Variants in COL11A1 observed in about 807,000 individuals in gnomAD.
The protein encoded by COL11A1 is collagen type XI alpha 1 chain, also known as collagen alpha-1(XI) chain.
In COL11A1, 74 loss-of-function variants were observed where a neutral mutation model predicts 265.2. The observed-to-expected ratio is 0.28, with a 90% CI of 0.23 to 0.34. The LOEUF (loss-of-function observed/expected upper bound fraction) is 0.34, where lower values mean the gene tolerates loss of function less well. Ranked by LOEUF, COL11A1 falls within the 10% of genes least tolerant of loss-of-function variation. The pLI is 1.00. For synonymous variants in COL11A1, 816 were observed against 727.6 expected, an observed-to-expected ratio of 1.12 and a Z score of -1.96; for missense variants, 2,165 against 2,263.6, an observed-to-expected ratio of 0.96 and a Z score of 0.88.
intron 41 of COL11A1, among the ~76,000 whole-genome samples, chr1:102,957,029 G>T (rs1250295494): frequency 6.6e-6 from 1 of 151,684 alleles, no homozygotes; most frequent in African/African-American, 2.4e-5. Flanking sequence ...CCTGTATAAA[G>T]CAATATCCCA....
chr1:103,058,250 C>T (rs995000162), intron 4 of COL11A1, among the ~76,000 whole-genome samples: 5 of 152,098 alleles, frequency 3.3e-5, no homozygotes, highest in African/African-American at 9.7e-5. Flanking sequence ...CTGAAGCTTC[C>T]TCACTTCTCT....
At chr1:102,975,388 G>A (rs1171088639) in intron 35 of COL11A1, among the ~76,000 whole-genome samples, 1 of 151,842 alleles carries the variant, frequency 6.6e-6, no homozygotes, top group African/African-American at 2.4e-5. Flanking sequence ...CACAGAAGAT[G>A]CCTTTATTCT....
At chr1:103,031,818 T>TA (rs1187149208) in intron 4 of COL11A1, among the ~76,000 whole-genome samples, 2 of 148,982 alleles carry the variant, frequency 1.3e-5, no homozygotes, top group Admixed American at 6.7e-5. Context: ...AGATTAAAAA[T>TA]AAAAAAAGCA....
intron 4 of COL11A1, among the ~76,000 whole-genome samples, chr1:103,067,363 T>C (rs7519039): frequency 0.94 from 142,135 of 151,794 alleles, 66,774 homozygotes; most frequent in East Asian, 1. Context: ...AGTATCTAGA[T>C]ATTAAACATC....
rs113213068 is a variant in COL11A1, at chr1:103,077,853, A to T, written c.488+805T>A. ...CCCATCTCTATCACTTTCCAACTAT[A>T]CGAACTTAGGCAAATTACTTAAACT... On this transcript the variant is annotated intron_variant, in intron 3 of 66. Transcript: ENST00000370096. 3.3e-3 allele frequency among the ~76,000 whole-genome samples: 507 copies of T among 152,166 alleles called. 5 individuals carry two copies. The highest frequency in any genetic ancestry group is 0.012 in the African/African-American group (488 of 41,514).
At chr1:102,923,213 T>A (rs1054513607) in intron 47 of COL11A1, 123 bp downstream of exon 47, 2 of 771,422 alleles carry the variant, frequency 2.6e-6, no homozygotes, top group Admixed American at 4.6e-5. Flanking sequence ...CTAAATCATG[T>A]CAGTTGCTTA....
chr1:102,946,811 G>T, intron 42 of COL11A1, 38 bp downstream of exon 42: 2 of 1,470,510 alleles, frequency 1.4e-6, no homozygotes, highest in Non-Finnish European at 1.9e-6. Flanking sequence ...CGTGTACAGG[G>T]TAGCAGCATA....
intron 62 of COL11A1, 106 bp downstream of exon 62, chr1:102,888,471 A>T (rs904938946): frequency 4.9e-6 from 5 of 1,020,404 alleles, no homozygotes; most frequent in Non-Finnish European, 7.6e-6. Context: ...TAAAATCAGC[A>T]CTTTTGGCAG....
chr1:102,888,975 T>A (rs1225092793), intron 59 of COL11A1, 56 bp from the exon 60 acceptor site: 1 of 1,471,836 alleles, frequency 6.8e-7, no homozygotes, highest in Non-Finnish European at 9.5e-7. Context: ...CATTTTCATG[T>A]TTTCATAACT....
intron 28 of COL11A1, among the ~76,000 whole-genome samples, chr1:102,991,815 G>T (rs1190263132): frequency 2.0e-5 from 3 of 147,776 alleles, no homozygotes; most frequent in African/African-American, 7.4e-5. Flanking sequence ...CATACTCAAA[G>T]AACTCTAGCA....
chr1:102,883,021 G>T (rs1650447974), intron 64 of COL11A1, among the ~76,000 whole-genome samples, 178 bp downstream of exon 64: 1 of 152,166 alleles, frequency 6.6e-6, no homozygotes, highest in South Asian at 2.1e-4. Context: ...AGAAGTATTT[G>T]TTAACTCTGT....
intron 41 of COL11A1, among the ~76,000 whole-genome samples, chr1:102,950,282 C>T (rs536873377): frequency 2.0e-5 from 3 of 151,670 alleles, no homozygotes; most frequent in South Asian, 2.1e-4. Flanking sequence ...GACTCTGTCT[C>T]GAAAGAAAAA....
chr1:103,014,589 A>T lies in COL11A1; in HGVS notation c.1494T>A (p.Arg498=), dbSNP rs1446842358. Residue 498 remains arginine (R), a synonymous_variant, in exon 13 of 67, where the codon CGT becomes CGA. Transcript: ENST00000370096. ...PPGTMLMLPF[R]YGGDGSKGPT... ...GTCCTTTGGAACCATCACCACCATAACGGAACTTGGAAGAGATAACATTAA... is the reference window on the plus strand; with the variant it reads ...GTCCTTTGGAACCATCACCACCATATCGGAACTTGGAAGAGATAACATTAA... The T allele has an allele frequency of 6.2e-7, 1 of 1,613,452 alleles. No homozygotes were observed. The highest frequency in any genetic ancestry group is 8.5e-7 in the Non-Finnish European group (1 of 1,179,598).
chr1:102,989,011 T>C (rs754908011), intron 29 of COL11A1, among the ~76,000 whole-genome samples: 1 of 152,198 alleles, frequency 6.6e-6, no homozygotes, highest in Admixed American at 6.5e-5. Context: ...TAATTTGCTT[T>C]AGATAACTAA....
In COL11A1 at chr1:102,921,763, T is replaced by C. The variant is rs1656014932; in HGVS notation, c.3655-192A>G. ...GCAAATGAGCCTTTACACATAGCTA[T>C]GAGGAAATTAGGATTTCAAGAGAAA... On this transcript the variant is annotated intron_variant, in intron 47 of 66. Coordinates refer to ENST00000370096, the MANE Select transcript of COL11A1 (RefSeq NM_001854.4). Among the ~76,000 whole-genome samples the C allele has an allele frequency of 2.0e-5, 3 of 152,204 alleles. No individual in the cohort carries two copies. In the East Asian group the frequency reaches 5.8e-4, roughly 29 times the overall value.
intron 4 of COL11A1, among the ~76,000 whole-genome samples, chr1:103,050,343 C>T (rs552747639): frequency 2.0e-5 from 3 of 152,264 alleles, no homozygotes; most frequent in African/African-American, 7.2e-5. Flanking sequence ...CACTTCATTT[C>T]ATTCATTTCA....
intron 37 of COL11A1, among the ~76,000 whole-genome samples, chr1:102,969,765 C>T (rs1661774595): frequency 6.6e-6 from 1 of 152,060 alleles, no homozygotes; most frequent in Admixed American, 6.6e-5. Context: ...CCGATGGGTC[C>T]AATATCAGCA....
chr1:102,888,472 C>CT, intron 62 of COL11A1, 105 bp downstream of exon 62: 1 of 1,069,546 alleles, frequency 9.3e-7, no homozygotes, highest in Non-Finnish European at 1.4e-6. Context: ...AAAATCAGCA[C>CT]TTTTGGCAGA....
chr1:102,919,151 T>C (rs1409833964), intron 49 of COL11A1, among the ~76,000 whole-genome samples: 2 of 101,368 alleles, frequency 2.0e-5, no homozygotes, highest in African/African-American at 5.2e-5. Context: ...AAGTGTGTTT[T>C]CAGTTTCAAC....
Sources: gnomAD v4.1 joint callset for allele counts (sites outside exome capture counted in the v4.1 genomes callset) on GRCh38, gnomAD v4.1.1 for gene constraint, MANE v1.5 for transcripts, NCBI Gene and HGNC (gene_info 2026-07-23, HGNC 2026-07-21) for gene names.